The following DGKH variants were observed in gnomAD, a reference collection of about 807,000 sequenced individuals.
DGKH encodes the protein diacylglycerol kinase eta, also known as DAG kinase eta.
DGKH carries 90 observed loss-of-function variants against 159.3 expected under a neutral mutation model. That is an observed-to-expected ratio of 0.57 (90% confidence interval 0.48 to 0.67). The LOEUF (loss-of-function observed/expected upper bound fraction) is 0.67, where lower values mean the gene tolerates loss of function less well. Among genes scored for constraint, DGKH ranks in the 30% least tolerant of loss-of-function variants. The pLI is 0.00. For synonymous variants in DGKH, 536 were observed against 553.8 expected, an observed-to-expected ratio of 0.97 and a Z score of 0.45; for missense variants, 1,181 against 1,506.1, an observed-to-expected ratio of 0.78 and a Z score of 3.57.
intron 24 of DGKH, among the ~76,000 whole-genome samples, chr13:42,211,496 G>A (rs955213985): frequency 1.3e-5 from 2 of 152,080 alleles, no homozygotes; most frequent in Admixed American, 1.3e-4. Flanking sequence ...TCAGGAGTTC[G>A]AGACCAGCCT....
chr13:42,207,715 A>ATATATATATATC (rs1429229353), intron 21 of DGKH, among the ~76,000 whole-genome samples: 51 of 147,726 alleles, frequency 3.5e-4, no homozygotes, highest in Non-Finnish European at 6.6e-4. Flanking sequence ...ATATATATAT[A>ATATATATATATC]TCAGTAAAAA....
upstream of DGKH, among the ~76,000 whole-genome samples, chr13:42,046,816 C>T (rs1880819612): frequency 6.6e-6 from 1 of 152,120 alleles, no homozygotes; most frequent in Non-Finnish European, 1.5e-5. Flanking sequence ...GAATACTAAC[C>T]GCATGATTTT....
At chr13:42,227,120 G>T (rs1021825873) in intron 29 of DGKH, among the ~76,000 whole-genome samples, 1 of 152,164 alleles carries the variant, frequency 6.6e-6, no homozygotes, top group Admixed American at 6.5e-5. Flanking sequence ...GGCAGAAGGA[G>T]GGGAGAATAT....
chr13:42,190,441 A>C lies in DGKH; in HGVS notation c.1951A>C (p.Asn651His), dbSNP rs192755914. The C allele has an allele frequency of 1.2e-6, 2 of 1,611,166 alleles. No homozygotes were observed. The highest frequency in any genetic ancestry group is 1.7e-6 in the Non-Finnish European group (2 of 1,178,920). Residue 651 changes from asparagine to histidine, a missense_variant, in exon 16 of 30, where the codon AAT becomes CAT. This residue lies in a region of DGKH where 257 missense variants were observed against 281.5 expected (regional missense o/e 0.91). Transcript: ENST00000337343. ...GACAGTTCACCCCTGTGAACCAGCT[A>C]ATCAGTCCTCTGATTATGACAGCAC... is the stretch of plus-strand genomic sequence containing the variant. ...DPTVHPCEPA[N>H]QSSDYDSTET...
intron 20 of DGKH, among the ~76,000 whole-genome samples, chr13:42,200,866 A>G (rs902108166): frequency 6.6e-6 from 1 of 152,190 alleles, no homozygotes; most frequent in Non-Finnish European, 1.5e-5. Context: ...CAAAATCAGG[A>G]AGGTTCACAT....
At position 42,229,117 on chromosome 13, in the gene DGKH, G is replaced by A. The variant is rs1325787945; in HGVS notation, c.3592G>A (p.Val1198Met). ...ATTTTAGGATCTGGGGATACCGAAAGTGGGTCATGTGAAGCGAATTCTCCA... is the reference window on the plus strand; with the variant it reads ...ATTTTAGGATCTGGGGATACCGAAAATGGGTCATGTGAAGCGAATTCTCCA... ...RDLKDLGIPK[V>M]GHVKRILQGI... is the part of the protein sequence containing the mutation. Residue 1198 changes from valine to methionine, a missense_variant, in exon 30 of 30, where the codon GTG becomes ATG. This residue lies in a region of DGKH where 84 missense variants were observed against 77.9 expected (regional missense o/e 1.08). Coordinates refer to ENST00000337343, the MANE Select transcript of DGKH (RefSeq NM_178009.5). 2.2e-5 allele frequency: 36 copies of A among 1,610,722 alleles called. No individual in the cohort carries two copies. The highest frequency in any genetic ancestry group is 2.8e-5 in the Non-Finnish European group (33 of 1,179,084).
At chr13:42,197,252 C>CAAAAAAAAAA (rs71703387) in intron 17 of DGKH, among the ~76,000 whole-genome samples, 1 of 86,232 alleles carries the variant, frequency 1.2e-5, no homozygotes, top group African/African-American at 3.5e-5. Flanking sequence ...TCTATCTCAA[C>CAAAAAAAAAA]AAAAAAAAAA....
intron 29 of DGKH, among the ~76,000 whole-genome samples, chr13:42,252,230 G>T (rs990884277): frequency 2.0e-5 from 3 of 151,880 alleles, no homozygotes; most frequent in Non-Finnish European, 4.4e-5. Context: ...AGTAATAGTG[G>T]CAATCTTTTC....
intron 1 of DGKH, among the ~76,000 whole-genome samples, chr13:42,075,176 C>T (rs779457629): frequency 2.0e-5 from 3 of 152,034 alleles, no homozygotes; most frequent in Non-Finnish European, 4.4e-5. Flanking sequence ...CATACTTTTT[C>T]CTGTGTTAGT....
At chr13:42,223,207 AGCTGTCAG>A (rs2138258487) in intron 29 of DGKH, among the ~76,000 whole-genome samples, 1 of 152,240 alleles carries the variant, frequency 6.6e-6, no homozygotes, top group South Asian at 2.1e-4. Context: ...CTGCGGTTGT[AGCTGTCAG>A]CAGCGGCAAG....
At chr13:42,077,451 C>T (rs972395769) in intron 1 of DGKH, among the ~76,000 whole-genome samples, 2 of 152,120 alleles carry the variant, frequency 1.3e-5, no homozygotes, top group Non-Finnish European at 2.9e-5. Context: ...ACTGGTGACA[C>T]TACCTTAATG....
intron 1 of DGKH, among the ~76,000 whole-genome samples, chr13:42,096,059 G>C (rs1364360494): frequency 6.6e-6 from 1 of 152,134 alleles, no homozygotes; most frequent in Admixed American, 6.6e-5. Context: ...GTCACAACAA[G>C]TAATGTTTTG....
chr13:42,213,846 G>C (rs1025597668), intron 24 of DGKH, among the ~76,000 whole-genome samples: 5 of 152,136 alleles, frequency 3.3e-5, no homozygotes, highest in African/African-American at 9.7e-5. Context: ...CTTGGCCTTA[G>C]TGCCTTCCAG....
At chr13:42,146,150 C>CTTTT (rs57139526) in intron 3 of DGKH, among the ~76,000 whole-genome samples, 25,366 of 110,008 alleles carry the variant, frequency 0.23, 3,633 homozygotes, top group Non-Finnish European at 0.27. Context: ...TCTGGGGAGG[C>CTTTT]TTTTTTTTTT....
Position 42,185,604 on chromosome 13 carries a change from A to G in DGKH, c.1539-1445A>G, listed in dbSNP as rs117644067. 8.2e-3 allele frequency among the ~76,000 whole-genome samples: 1,243 copies of G among 152,322 alleles called. 8 individuals are homozygous for G. Among genetic ancestry groups the G allele is most frequent in the South Asian group, 0.017 (83 of 4,828 alleles). On this transcript the variant is annotated intron_variant, in intron 13 of 29. Transcript: ENST00000337343. ...TATAATAATGGCAAGAAAAACCTCTATTTCAGAGTTACAGGAAGATGCATC... is the reference window on the plus strand; with the variant it reads ...TATAATAATGGCAAGAAAAACCTCTGTTTCAGAGTTACAGGAAGATGCATC...
intron 5 of DGKH, among the ~76,000 whole-genome samples, chr13:42,156,273 C>T (rs918893759): frequency 6.6e-6 from 1 of 152,076 alleles, no homozygotes; most frequent in Non-Finnish European, 1.5e-5. Flanking sequence ...GAAGGGGTCT[C>T]ACTCTGTCAC....
chr13:42,072,433 G>T (rs916916361), intron 1 of DGKH, among the ~76,000 whole-genome samples: 5 of 152,078 alleles, frequency 3.3e-5, no homozygotes, highest in African/African-American at 1.2e-4. Context: ...GGAACATATT[G>T]GTTCTTAAAA....
intron 26 of DGKH, among the ~76,000 whole-genome samples, chr13:42,217,504 G>T (rs563544888): frequency 5.3e-5 from 8 of 151,672 alleles, no homozygotes; most frequent in Admixed American, 5.3e-4. Context: ...CGGCCTCCCA[G>T]AGTGCTGGGA....
rs1957033777 is a variant in DGKH at position 42,190,411 on chromosome 13, G to T, written c.1921G>T (p.Asp641Tyr). ...CTTCTTACTACCTGAAGTTATGGAT[G>T]ACCCGACAGTTCACCCCTGTGAACC... ...VIEEAGKVMD[D>Y]PTVHPCEPAN... Residue 641 changes from aspartate (D) to tyrosine (Y), a missense_variant, in exon 16 of 30, where the codon GAC (aspartate) becomes TAC (tyrosine). Transcript: ENST00000337343. 2.5e-6 allele frequency: 4 copies of T among 1,605,890 alleles called. No homozygotes were observed. Among genetic ancestry groups the T allele is most frequent in the South Asian group, 1.1e-5 (1 of 88,938 alleles).
Sources: gnomAD v4.1 joint callset for allele counts (sites outside exome capture counted in the v4.1 genomes callset) on GRCh38, gnomAD v4.1.1 for gene constraint, gnomAD v4.1.1 regional missense constraint, MANE v1.5 for transcripts, NCBI Gene and HGNC (gene_info 2026-07-23, HGNC 2026-07-21) for gene names.